HDAC9: variants seen among roughly 807,000 people sequenced by gnomAD.
HDAC9 encodes histone deacetylase 9.
HDAC9 carries 41 observed loss-of-function variants against 139.4 expected under a neutral mutation model. The ratio of observed to expected loss-of-function variants is 0.29; its 90% CI spans 0.23 to 0.38. The LOEUF is 0.38. Among genes scored for constraint, HDAC9 ranks in the 10% least tolerant of loss-of-function variants. The pLI is 1.00. For missense variants in HDAC9, 1,147 were observed against 1,297.0 expected (o/e 0.88, Z 1.78); for synonymous variants, 517 against 476.2 (o/e 1.09, Z -1.12).
chr7:18,681,640 G>A (rs1781895844), intron 12 of HDAC9, among the ~76,000 whole-genome samples: 3 of 151,994 alleles, frequency 2.0e-5, no homozygotes, highest in Admixed American at 6.6e-5. Flanking sequence ...TGAACATCCA[G>A]ATTTTAAAAT....
At chr7:18,312,806 G>C (rs1288647936) in intron 1 of HDAC9, among the ~76,000 whole-genome samples, 1 of 152,070 alleles carries the variant, frequency 6.6e-6, no homozygotes, top group Non-Finnish European at 1.5e-5. Flanking sequence ...TCTTGCCCTA[G>C]ACAATCTTCT....
At chr7:18,537,928 G>T (rs538218692) in intron 2 of HDAC9, among the ~76,000 whole-genome samples, 3 of 152,316 alleles carry the variant, frequency 2.0e-5, no homozygotes, top group African/African-American at 7.2e-5. Flanking sequence ...GATGGGCCTT[G>T]CCTTCAGTCC....
At chr7:18,265,941 T>C (rs1470210531) in intron 2 of HDAC9, among the ~76,000 whole-genome samples, 1 of 152,174 alleles carries the variant, frequency 6.6e-6, no homozygotes, top group African/African-American at 2.4e-5. Flanking sequence ...CACCGAAACT[T>C]CAAAAGTAGT....
At chr7:18,473,468 T>C (rs142106849) in intron 1 of HDAC9, among the ~76,000 whole-genome samples, 1 of 152,312 alleles carries the variant, frequency 6.6e-6, no homozygotes, top group East Asian at 1.9e-4. Context: ...TCCACTAATA[T>C]GTGTATTCAC....
At chr7:18,744,936 G>T (rs1334859812) in intron 13 of HDAC9, among the ~76,000 whole-genome samples, 1 of 152,024 alleles carries the variant, frequency 6.6e-6, no homozygotes, top group Non-Finnish European at 1.5e-5. Flanking sequence ...TAAAATGCAG[G>T]TAAATATTTT....
At chr7:18,516,888 T>C (rs1334679790) in intron 2 of HDAC9, among the ~76,000 whole-genome samples, 3 of 138,002 alleles carry the variant, frequency 2.2e-5, no homozygotes, top group Non-Finnish European at 3.1e-5. Flanking sequence ...AAAAAAAAGA[T>C]AGTAATACAT....
At chr7:18,617,162 T>A (rs1350429789) in intron 6 of HDAC9, among the ~76,000 whole-genome samples, 1 of 152,116 alleles carries the variant, frequency 6.6e-6, no homozygotes, top group Non-Finnish European at 1.5e-5. Flanking sequence ...CAGCCTCCAT[T>A]CCAGTTATTA....
At chr7:18,259,364 C>A (rs1207222127) in intron 2 of HDAC9, among the ~76,000 whole-genome samples, 1 of 151,820 alleles carries the variant, frequency 6.6e-6, no homozygotes, top group Non-Finnish European at 1.5e-5. Context: ...TGAAGACAAG[C>A]CTGTTTTTTC....
chr7:18,713,515 A>G (rs1307656541), intron 12 of HDAC9, among the ~76,000 whole-genome samples: 1 of 152,208 alleles, frequency 6.6e-6, no homozygotes, highest in Non-Finnish European at 1.5e-5. Context: ...CCATGAATAT[A>G]TACCACTCTT....
At chr7:18,789,922 C>G (rs1045261983) in intron 16 of HDAC9, among the ~76,000 whole-genome samples, 2 of 152,000 alleles carry the variant, frequency 1.3e-5, no homozygotes, top group African/African-American at 4.8e-5. Context: ...GATGCTATCA[C>G]TAATATAGGG....
At chr7:18,839,853 A>G (rs1796477298) in intron 21 of HDAC9, among the ~76,000 whole-genome samples, 1 of 152,072 alleles carries the variant, frequency 6.6e-6, no homozygotes, top group South Asian at 2.1e-4. Flanking sequence ...CTAAAGACTA[A>G]TTCTTTTAAG....
chr7:18,977,750 C>T (rs1784634101), intron 25 of HDAC9, among the ~76,000 whole-genome samples: 1 of 152,046 alleles, frequency 6.6e-6, no homozygotes, highest in Non-Finnish European at 1.5e-5. Context: ...CAGATTATAT[C>T]TATTGTGATT....
chr7:18,149,046 C>A (rs1181945775), intron 1 of HDAC9, among the ~76,000 whole-genome samples: 1 of 152,116 alleles, frequency 6.6e-6, no homozygotes, highest in African/African-American at 2.4e-5. Flanking sequence ...TTTATACTGT[C>A]TCTGAAAGTG....
chr7:18,577,466 T>C (rs754005073), intron 2 of HDAC9, among the ~76,000 whole-genome samples: 20 of 152,316 alleles, frequency 1.3e-4, no homozygotes, highest in Admixed American at 5.2e-4. Context: ...GGTTTCTCTT[T>C]TTCAAAATTT....
intron 21 of HDAC9, among the ~76,000 whole-genome samples, chr7:18,843,594 C>G (rs941022612): frequency 6.6e-5 from 10 of 152,110 alleles, no homozygotes; most frequent in South Asian, 4.2e-4. Context: ...TTAAAAGTTA[C>G]TTATCCTTTA....
chr7:18,976,937 C>G (rs542768944), intron 25 of HDAC9, among the ~76,000 whole-genome samples: 2 of 152,192 alleles, frequency 1.3e-5, no homozygotes, highest in Non-Finnish European at 2.9e-5. Context: ...TGGCAATTTT[C>G]CCAAGAATGC....
intron 2 of HDAC9, among the ~76,000 whole-genome samples, chr7:18,202,367 T>C (rs1403801172): frequency 6.6e-6 from 1 of 152,218 alleles, no homozygotes; most frequent in Non-Finnish European, 1.5e-5. Flanking sequence ...TATTTAAGTT[T>C]TCTTCATATT....
chr7:18,672,882 T>A (rs868189097), intron 12 of HDAC9, among the ~76,000 whole-genome samples: 2 of 152,046 alleles, frequency 1.3e-5, no homozygotes, highest in Non-Finnish European at 2.9e-5. Context: ...CAATTACTAG[T>A]TGCAATTACT....
At chr7:18,188,491 T>C (rs1790084266) in intron 2 of HDAC9, among the ~76,000 whole-genome samples, 1 of 152,006 alleles carries the variant, frequency 6.6e-6, no homozygotes, top group African/African-American at 2.4e-5. Context: ...AAGCCAAAAT[T>C]GACAAATGGG....
Sources: allele counts gnomAD v4.1 joint callset (sites outside exome capture counted in the v4.1 genomes callset), GRCh38; gene constraint gnomAD v4.1.1; transcripts MANE v1.5; gene names NCBI Gene and HGNC (gene_info 2026-07-23, HGNC 2026-07-21).